The following LIFR variants were observed in gnomAD, a reference collection of about 807,000 sequenced individuals.
LIFR encodes the protein leukemia inhibitory factor receptor.
In LIFR, 84 loss-of-function variants were observed where a neutral mutation model predicts 122.2. The ratio of observed to expected loss-of-function variants is 0.69; its 90% CI spans 0.58 to 0.82. The LOEUF (loss-of-function observed/expected upper bound fraction) is 0.82. Among genes scored for constraint, LIFR ranks in the 40% least tolerant of loss-of-function variants. The probability of loss-of-function intolerance (pLI) is 0.00; values close to 1 mark genes in which losing one functional copy is unlikely to be tolerated. For synonymous variants in LIFR, 422 were observed against 434.7 expected (o/e 0.97, Z 0.36); for missense variants, 1,294 against 1,311.6 (o/e 0.99, Z 0.21).
intron 16 of LIFR, among the ~76,000 whole-genome samples, chr5:38,488,846 C>T (rs974747356): frequency 6.6e-5 from 10 of 152,146 alleles, no homozygotes; most frequent in Non-Finnish European, 1.5e-4. Flanking sequence ...TTATAATCAA[C>T]GGCTTCAGAA....
At chr5:38,502,836 A>AT in intron 10 of LIFR, 37 bp from the exon 11 acceptor site, 5 of 1,201,978 alleles carry the variant, frequency 4.2e-6, no homozygotes, top group Non-Finnish European at 5.8e-6. Context: ...ATATGTATAT[A>AT]TTATGTGTAT....
chr5:38,488,513 A>G (rs991845508), intron 16 of LIFR, among the ~76,000 whole-genome samples: 1 of 152,188 alleles, frequency 6.6e-6, no homozygotes, highest in Admixed American at 6.5e-5. Flanking sequence ...AATCTGTACA[A>G]TTTTGTATTT....
intron 5 of LIFR, among the ~76,000 whole-genome samples, chr5:38,520,369 C>CT (rs1746337964): frequency 6.6e-6 from 1 of 152,052 alleles, no homozygotes; most frequent in South Asian, 2.1e-4. Context: ...GATATTCGTC[C>CT]TTTGTTGGAT....
At chr5:38,522,215 C>T (rs62355817) in intron 5 of LIFR, among the ~76,000 whole-genome samples, 10,836 of 152,228 alleles carry the variant, frequency 0.071, 525 homozygotes, top group East Asian at 0.26. Flanking sequence ...TGGCACATCA[C>T]GCCCCACTTG....
chr5:38,478,221 G>A lies in LIFR; in HGVS notation c.*3374C>T, dbSNP rs1442941457. On this transcript the variant is annotated 3_prime_UTR_variant, in exon 20 of 20. Coordinates refer to ENST00000453190, the MANE Select transcript of LIFR (RefSeq NM_001127671.2). ...CTTATTTCCAACAAGAATACAATAT[G>A]CATGAAGTTTTGAAAATGTGACTTT... 4.8e-6 allele frequency: 1 copy of A among 206,874 alleles called. No individual in the cohort carries two copies. Among genetic ancestry groups the A allele is most frequent in the African/African-American group, 2.3e-5 (1 of 43,850 alleles). 12.8% of individuals were successfully genotyped at this position (206,874 alleles called of 1,614,324 possible). A position where few individuals can be genotyped will look rare whatever the true frequency, so the allele number is the denominator to read the frequency against.
chr5:38,479,492 T>C lies in LIFR; in HGVS notation c.*2103A>G. 1 of 231,478 alleles carries C rather than the reference T, an allele frequency of 4.3e-6. No homozygotes were observed. Among genetic ancestry groups the C allele is most frequent in the Non-Finnish European group, 8.6e-6 (1 of 116,930 alleles). 14.3% of individuals were successfully genotyped at this position (231,478 alleles called of 1,614,324 possible). ...TAGAAAGGGCCCTGGATCCAGATGG[T>C]CACAGTTGAAATGCATATATATTGA... On this transcript the variant is annotated 3_prime_UTR_variant, in exon 20 of 20. Transcript: ENST00000453190.
intron 1 of LIFR, among the ~76,000 whole-genome samples, chr5:38,593,754 G>A (rs1404231070): frequency 2.6e-5 from 4 of 152,134 alleles, no homozygotes; most frequent in Admixed American, 2.0e-4. Context: ...AGTGAGATTA[G>A]TGCCCTTATA....
At chr5:38,524,848 G>A (rs747069117) in intron 4 of LIFR, among the ~76,000 whole-genome samples, 15 of 152,138 alleles carry the variant, frequency 9.9e-5, no homozygotes, top group Non-Finnish European at 1.3e-4. Flanking sequence ...AATCCAGAGA[G>A]GGAATCCTAG....
intron 1 of LIFR, among the ~76,000 whole-genome samples, chr5:38,549,727 C>A (rs1054664416): frequency 3.3e-5 from 5 of 152,206 alleles, no homozygotes; most frequent in Non-Finnish European, 1.5e-5. Flanking sequence ...GGAGGCGGAG[C>A]TTGCAGTGAG....
chr5:38,551,334 A>G (rs1179721033), intron 1 of LIFR, among the ~76,000 whole-genome samples: 2 of 152,106 alleles, frequency 1.3e-5, no homozygotes, highest in Non-Finnish European at 2.9e-5. Context: ...GCTGCAGCCT[A>G]AAGTCCTGGT....
At chr5:38,528,936 A>AT (rs1337587212) in intron 2 of LIFR, 96 bp from the exon 3 acceptor site, 2 of 796,896 alleles carry the variant, frequency 2.5e-6, no homozygotes, top group African/African-American at 1.7e-5. Context: ...AAAGTCAACC[A>AT]TTTTCAGTTG....
At position 38,502,787 on chromosome 5, in the gene LIFR, T is replaced by C. The variant is rs1250441556; in HGVS notation, c.1450A>G (p.Ile484Val). Reference sequence around the variant, plus strand: ...TAACTTGAATTTTCTACTCCTTTGATTGTGACATTCCGCTATTGGAAAACA... The same window carrying C: ...TAACTTGAATTTTCTACTCCTTTGACTGTGACATTCCGCTATTGGAAAACA... ...NSVQEQRNVT[I>V]KGVENSSYLV... The change falls in exon 11 of 20, where the codon ATC (isoleucine) becomes GTC (valine). Residue 484 changes from isoleucine to valine, a missense_variant. By Grantham distance (29) the Ile-to-Val change is conservative. Transcript: ENST00000453190. The C allele has an allele frequency of 6.3e-7, 1 of 1,596,388 alleles. No individual in the cohort carries two copies. Among genetic ancestry groups the C allele is most frequent in the Non-Finnish European group, 8.6e-7 (1 of 1,165,564 alleles).
At chr5:38,527,021 A>C in intron 4 of LIFR, 134 bp downstream of exon 4, 1 of 776,954 alleles carries the variant, frequency 1.3e-6, no homozygotes, top group Non-Finnish European at 2.0e-6. Context: ...TACCATCTAC[A>C]ATTCATAGGG....
In LIFR at chr5:38,479,522, C is replaced by T. The variant is rs1743878923; in HGVS notation, c.*2073G>A. The T allele has an allele frequency of 4.3e-6, 1 of 231,422 alleles. No homozygotes were observed. Among genetic ancestry groups the T allele is most frequent in the Non-Finnish European group, 8.5e-6 (1 of 116,966 alleles). 14.3% of individuals were successfully genotyped at this position (231,422 alleles called of 1,614,324 possible). On this transcript the variant is annotated 3_prime_UTR_variant, in exon 20 of 20. Coordinates refer to ENST00000453190, the MANE Select transcript of LIFR (RefSeq NM_001127671.2). ...GTTGAAATGCATATATATTGACAGA[C>T]AGAGATCAAACAATCTCTTCTGGCC...
At chr5:38,589,513 C>G (rs1749856046) in intron 1 of LIFR, among the ~76,000 whole-genome samples, 1 of 151,968 alleles carries the variant, frequency 6.6e-6, no homozygotes, top group Non-Finnish European at 1.5e-5. Flanking sequence ...AAATTAATCC[C>G]AAGTGATTCT....
At chr5:38,492,148 A>G (rs1010236870) in intron 14 of LIFR, among the ~76,000 whole-genome samples, 2 of 152,230 alleles carry the variant, frequency 1.3e-5, no homozygotes, top group African/African-American at 4.8e-5. Flanking sequence ...GAAGCTCTGA[A>G]TAACTCTGAA....
intron 1 of LIFR, among the ~76,000 whole-genome samples, chr5:38,578,223 T>TTTTTTACA (rs1749456854): frequency 7.1e-6 from 1 of 140,304 alleles, no homozygotes; most frequent in Non-Finnish European, 1.5e-5. Flanking sequence ...TTTTTTTTTT[T>TTTTTTACA]GAGACAGAGT....
intron 7 of LIFR, among the ~76,000 whole-genome samples, chr5:38,507,599 C>CTGCA (rs564752566): frequency 2.7e-5 from 4 of 149,454 alleles, no homozygotes; most frequent in Non-Finnish European, 5.9e-5. Flanking sequence ...AATTAAAAGT[C>CTGCA]TGCAGTCTGA....
At position 38,511,795 on chromosome 5, in the gene LIFR, A is replaced by G. The variant is rs543392239; in HGVS notation, c.731T>C (p.Ile244Thr). The change falls in exon 6 of 20, where the codon ATT becomes ACT. Residue 244 changes from isoleucine (I) to threonine (T), a missense_variant. Coordinates refer to ENST00000453190, the MANE Select transcript of LIFR (RefSeq NM_001127671.2). ...EWSDWSPVKN[I>T]SWIPDSQTKV... ...TTCTTTAAATATAAGCTTACAAGAA[A>G]TGTTCTTCACAGGGCTCCAGTCACT... 5 of 1,613,726 alleles carry G rather than the reference A, an allele frequency of 3.1e-6. No individual in the cohort carries two copies. In the South Asian group the frequency reaches 4.4e-5, roughly 14 times the overall value.
Sources: allele counts gnomAD v4.1 joint callset (sites outside exome capture counted in the v4.1 genomes callset), GRCh38; gene constraint gnomAD v4.1.1; transcripts MANE v1.5; gene names NCBI Gene and HGNC (gene_info 2026-07-23, HGNC 2026-07-21).